Variants in TAFA5 observed in about 807,000 individuals in gnomAD.
TAFA5 encodes TAFA chemokine like family member 5, also known as chemokine-like protein TAFA-5.
In TAFA5, 6 loss-of-function variants were observed where a neutral mutation model predicts 15.3. That is an observed-to-expected ratio of 0.39 (90% CI 0.21 to 0.77). The LOEUF is 0.77. Among genes scored for constraint, TAFA5 ranks in the 30% least tolerant of loss-of-function variants. The probability of loss-of-function intolerance (pLI) is 0.41; values close to 1 mark genes in which losing one functional copy is unlikely to be tolerated. For synonymous variants in TAFA5, 103 were observed against 80.7 expected (o/e 1.28, Z -1.48); for missense variants, 161 against 193.1 (o/e 0.83, Z 0.98).
chr22:48,638,848 C>T (rs113874357), intron 1 of TAFA5, among the ~76,000 whole-genome samples: 2 of 68,638 alleles, frequency 2.9e-5, no homozygotes, highest in African/African-American at 7.0e-5. Context: ...CGCACACAGG[C>T]GGGACCCCGA....
At position 48,665,925 on chromosome 22, in the gene TAFA5, C is replaced by T. The variant is rs1360638501; in HGVS notation, c.262+19179C>T. Among the ~76,000 whole-genome samples, 3 of 152,144 alleles carry T rather than the reference C, an allele frequency of 2.0e-5. No individual in the cohort carries two copies. The East Asian group carries it at 5.8e-4, about 29-fold the overall frequency. On this transcript the variant is annotated intron_variant, in intron 2 of 3. Transcript: ENST00000402357. ...TTCGCAGTGGGGAGGTAGATAGCTG[C>T]TCCCCACCTGCCCCCAACGCCCCCA... is the stretch of plus-strand genomic sequence containing the variant.
At position 48,729,231 on chromosome 22, in the gene TAFA5, A is replaced by ATATTTTATATTTATTTATAAATATATAAT. The variant is rs1402972986; in HGVS notation, c.391-20607_391-20579dup. Among the ~76,000 whole-genome samples the ATATTTTATATTTATTTATAAATATATAAT allele has an allele frequency of 2.2e-4, 23 of 106,892 alleles. No individual in the cohort carries two copies. In the East Asian group the frequency reaches 2.4e-3, roughly 11 times the overall value. The allele number at this position is 106,892 out of a possible 152,430, so 70.1% of individuals were successfully genotyped here. A position where few individuals can be genotyped will look rare whatever the true frequency, so the allele number is the denominator to read the frequency against. The stretch of plus-strand genomic sequence containing the variant: ...CATCCAGTTTATCTTAGGAACTAAA[A>ATATTTTATATTTATTTATAAATATATAAT]TATTTTATATTTATTTATAAATATA... On this transcript the variant is annotated intron_variant, in intron 3 of 3. Transcript: ENST00000402357.
chr22:48,654,939 C>T (rs1927184351), intron 2 of TAFA5, among the ~76,000 whole-genome samples: 1 of 152,194 alleles, frequency 6.6e-6, no homozygotes, highest in African/African-American at 2.4e-5. Flanking sequence ...CGTGGTGGGG[C>T]AGCCTAGGCC....
chr22:48,597,585 C>T (rs535617766), intron 1 of TAFA5, among the ~76,000 whole-genome samples: 10 of 151,312 alleles, frequency 6.6e-5, no homozygotes, highest in Admixed American at 2.6e-4. Context: ...CACCATGGCC[C>T]GCATCACCTG....
intron 2 of TAFA5, among the ~76,000 whole-genome samples, chr22:48,648,683 A>G (rs1926950175): frequency 6.6e-6 from 1 of 152,120 alleles, no homozygotes; most frequent in Non-Finnish European, 1.5e-5. Flanking sequence ...TACTAAAAAT[A>G]CAAAATTACC....
intron 1 of TAFA5, among the ~76,000 whole-genome samples, chr22:48,626,890 C>A (rs984493552): frequency 2.0e-5 from 3 of 152,188 alleles, no homozygotes; most frequent in East Asian, 1.9e-4. Context: ...CGTTTAGATA[C>A]CATTTTTCCT....
At chr22:48,691,101 G>A (rs1928527215) in intron 2 of TAFA5, among the ~76,000 whole-genome samples, 2 of 152,204 alleles carry the variant, frequency 1.3e-5, no homozygotes, top group South Asian at 2.1e-4. Flanking sequence ...CGCAGCGGCC[G>A]GTGAAGTCCC....
rs1439996416 is a variant in TAFA5 at position 48,583,468 on chromosome 22, A to T, written c.113-63129A>T. Among the ~76,000 whole-genome samples, 5 of 146,390 alleles carry T rather than the reference A, an allele frequency of 3.4e-5. No individual in the cohort carries two copies. The East Asian group carries it at 9.9e-4, about 29-fold the overall frequency. On this transcript the variant is annotated intron_variant, in intron 1 of 3. Transcript: ENST00000402357. ...ACCGCACACAAAATATACACATACC[A>T]CACACCACATACAAAATACACCACA... is the stretch of plus-strand genomic sequence containing the variant.
At chr22:48,693,415 C>A in intron 2 of TAFA5, 1 of 1,611,718 alleles carries the variant, frequency 6.2e-7, no homozygotes, top group Non-Finnish European at 8.5e-7. Flanking sequence ...CATAGTGCAG[C>A]CCGTGCAGGC....
At chr22:48,643,866 G>A (rs947847872) in intron 1 of TAFA5, among the ~76,000 whole-genome samples, 5 of 152,306 alleles carry the variant, frequency 3.3e-5, no homozygotes, top group East Asian at 1.9e-4. Context: ...TCAAGGTGGC[G>A]GCAACGCAGC....
At chr22:48,576,999 G>T (rs944217401) in intron 1 of TAFA5, among the ~76,000 whole-genome samples, 3 of 152,098 alleles carry the variant, frequency 2.0e-5, no homozygotes, top group Admixed American at 6.5e-5. Flanking sequence ...GGACCCGCCA[G>T]GGTGGGCGCC....
intron 1 of TAFA5, among the ~76,000 whole-genome samples, chr22:48,620,591 C>T (rs1281114438): frequency 1.4e-4 from 3 of 20,704 alleles, no homozygotes; most frequent in African/African-American, 3.6e-4. Context: ...ATCCGTCCAC[C>T]CACCCCCCTA....
At chr22:48,507,022 C>T (rs1003991032) in intron 1 of TAFA5, among the ~76,000 whole-genome samples, 5 of 151,564 alleles carry the variant, frequency 3.3e-5, no homozygotes, top group African/African-American at 4.8e-5. Flanking sequence ...TGAGCCTTGC[C>T]GAGCAAGGGG....
intron 1 of TAFA5, among the ~76,000 whole-genome samples, chr22:48,604,661 G>A (rs953286644): frequency 6.6e-6 from 1 of 152,190 alleles, no homozygotes; most frequent in South Asian, 2.1e-4. Flanking sequence ...AGGTGTGCAA[G>A]CCCCCAGCTA....
chr22:48,623,221 G>A (rs940240158), intron 1 of TAFA5, among the ~76,000 whole-genome samples: 6 of 151,954 alleles, frequency 3.9e-5, no homozygotes, highest in Non-Finnish European at 7.4e-5. Context: ...GGCCCTGCGC[G>A]GTGACCTGTG....
chr22:48,683,028 T>C (rs1014872723), intron 2 of TAFA5, among the ~76,000 whole-genome samples: 1 of 152,224 alleles, frequency 6.6e-6, no homozygotes, highest in Non-Finnish European at 1.5e-5. Context: ...AATATTCAGC[T>C]AGTGTTCATG....
intron 1 of TAFA5, among the ~76,000 whole-genome samples, chr22:48,572,605 C>T (rs1277011953): frequency 6.6e-6 from 1 of 152,130 alleles, no homozygotes; most frequent in East Asian, 1.9e-4. Flanking sequence ...AGGTTCCTGG[C>T]TTTTTTTGTG....
chr22:48,606,996 A>C (rs1307188767), intron 1 of TAFA5, among the ~76,000 whole-genome samples: 2 of 152,240 alleles, frequency 1.3e-5, no homozygotes, highest in Non-Finnish European at 2.9e-5. Flanking sequence ...TCACTGATGC[A>C]GTCACCACAT....
rs963130148 is a variant in TAFA5 at position 48,566,906 on chromosome 22, C to T, written c.112+77202C>T. Among the ~76,000 whole-genome samples the T allele has an allele frequency of 2.6e-5, 4 of 152,162 alleles. No homozygotes were observed. Among genetic ancestry groups the T allele is most frequent in the Non-Finnish European group, 5.9e-5 (4 of 68,026 alleles). ...TGGTTTCATGATTTACGCCTGGGGCCGTCAGTGGGTTGGGTTTGTCCTTTC... is the reference window on the plus strand; with the variant it reads ...TGGTTTCATGATTTACGCCTGGGGCTGTCAGTGGGTTGGGTTTGTCCTTTC... On this transcript the variant is annotated intron_variant, in intron 1 of 3. Transcript: ENST00000402357. The surrounding 1 kb of genome is among the most constrained non-coding windows in gnomAD (Gnocchi z 4.5).
Sources: allele counts gnomAD v4.1 joint callset (sites outside exome capture counted in the v4.1 genomes callset), GRCh38; gene constraint gnomAD v4.1.1; non-coding constraint Gnocchi (gnomAD v3.1); transcripts MANE v1.5; gene names NCBI Gene and HGNC (gene_info 2026-07-23, HGNC 2026-07-21).